Variants in THOC5 observed in about 807,000 individuals in gnomAD.
THOC5 encodes THO complex subunit 5.
A neutral mutation model predicts 92.9 loss-of-function variants in THOC5; 43 were observed. That is an observed-to-expected ratio of 0.46 (90% CI 0.36 to 0.60). The LOEUF (loss-of-function observed/expected upper bound fraction) is 0.60. THOC5 is among the 20% of genes least tolerant of loss of function. The pLI, the probability that THOC5 is intolerant of heterozygous loss-of-function variation, is 0.00. For missense variants in THOC5, 659 were observed against 849.4 expected (o/e 0.78, Z 2.79); for synonymous variants, 296 against 320.1 (o/e 0.92, Z 0.80).
chr22:29,539,651 T>C (rs1344407125), intron 5 of THOC5, among the ~76,000 whole-genome samples, 175 bp from the exon 6 acceptor site: 1 of 152,196 alleles, frequency 6.6e-6, no homozygotes, highest in Non-Finnish European at 1.5e-5. Context: ...GAAAGGTAGT[T>C]GGTGACATGC....
intron 9 of THOC5, chr22:29,528,788 C>A: frequency 2.0e-6 from 1 of 500,538 alleles, no homozygotes; most frequent in Non-Finnish European, 3.6e-6. Flanking sequence ...GTAGTAGAAG[C>A]ATGCATAACT....
chr22:29,543,146 C>G (rs1318520521), intron 4 of THOC5, among the ~76,000 whole-genome samples, 190 bp from the exon 5 acceptor site: 3 of 151,638 alleles, frequency 2.0e-5, no homozygotes, highest in Non-Finnish European at 4.4e-5. Context: ...GAGTTCAAGA[C>G]AAGCCTGGCC....
chr22:29,517,319 C>T lies in THOC5; in HGVS notation c.1537G>A (p.Ala513Thr), dbSNP rs1252334469. Residue 513 changes from alanine to threonine, a missense_variant, in exon 16 of 20, where the codon GCC becomes ACC. Physicochemically the swap from Ala to Thr is moderately conservative, Grantham distance 58. Transcript: ENST00000490103. Reference protein sequence around the residue: ...VTSDCQYLFPAKVVSRLVKWV... With the variant: ...VTSDCQYLFPTKVVSRLVKWV... ...TTCACCAGGCGAGAGACAACCTTGG[C>T]AGGGAAGAGGTACTGGCAATCACTG... The T allele has an allele frequency of 2.5e-6, 4 of 1,614,192 alleles. No homozygotes were observed. The highest frequency in any genetic ancestry group is 3.4e-6 in the Non-Finnish European group (4 of 1,180,028).
chr22:29,531,434 T>C, intron 8 of THOC5: 1 of 1,008,590 alleles, frequency 9.9e-7, no homozygotes, highest in Non-Finnish European at 1.2e-6. Flanking sequence ...CAAGGCATGG[T>C]GAAAGCCTGG....
At chr22:29,517,595 T>C (rs1213953772) in intron 15 of THOC5, among the ~76,000 whole-genome samples, 1 of 152,252 alleles carries the variant, frequency 6.6e-6, no homozygotes, top group Non-Finnish European at 1.5e-5. Context: ...CCAGCACTTA[T>C]GGTGCTTTCT....
At chr22:29,549,381 C>T (rs2064095548) in intron 1 of THOC5, among the ~76,000 whole-genome samples, 1 of 152,156 alleles carries the variant, frequency 6.6e-6, no homozygotes, top group African/African-American at 2.4e-5. Flanking sequence ...TCCCACTGAC[C>T]TCGGAATCAT....
intron 5 of THOC5, among the ~76,000 whole-genome samples, chr22:29,542,157 A>T (rs890554160): frequency 6.6e-6 from 1 of 152,028 alleles, no homozygotes; most frequent in Non-Finnish European, 1.5e-5. Flanking sequence ...CAAAGAATAA[A>T]ATCCATTTGC....
chr22:29,533,061 T>C (rs2063687759), intron 7 of THOC5, among the ~76,000 whole-genome samples: 2 of 152,158 alleles, frequency 1.3e-5, no homozygotes, highest in African/African-American at 2.4e-5. Context: ...CTAAAATAAG[T>C]GGATACATGT....
chr22:29,508,295 C>A lies in THOC5; in HGVS notation c.*162G>T. The A allele has an allele frequency of 1.4e-6, 1 of 701,778 alleles. No homozygotes were observed. The highest frequency in any genetic ancestry group is 2.4e-6 in the Non-Finnish European group (1 of 418,898). The allele number at this position is 701,778 out of a possible 1,614,324, so 43.5% of individuals were successfully genotyped here. A position where few individuals can be genotyped will look rare whatever the true frequency, so the allele number is the denominator to read the frequency against. On this transcript the variant is annotated 3_prime_UTR_variant, in exon 20 of 20. Transcript: ENST00000490103. ...CACCTGCCCTTCCAGACTGCAAAGC[C>A]ACCTTGCCAGGAACCACAGACAAAG...
chr22:29,517,198 C>G lies in THOC5; in HGVS notation c.1593+65G>C, dbSNP rs1160940398. On this transcript the variant is annotated intron_variant, in intron 16 of 19. Transcript: ENST00000490103. The stretch of plus-strand genomic sequence containing the variant: ...TGCTCTTCCAGTGAGGTGGCAGGAG[C>G]TGAAAGGTGACATGGTCCTGCAATC... The G allele has an allele frequency of 4.4e-6, 7 of 1,607,592 alleles. No homozygotes were observed. In the African/African-American group the frequency reaches 8.0e-5, roughly 18 times the overall value.
chr22:29,553,421 A>C (rs1296074714), intron 1 of THOC5: 1 of 152,084 alleles, frequency 6.6e-6, no homozygotes, highest in East Asian at 1.9e-4. Context: ...CATCACCACC[A>C]CCCCCACCCC....
At chr22:29,547,705 G>A (rs2064052254) in intron 2 of THOC5, among the ~76,000 whole-genome samples, 1 of 152,102 alleles carries the variant, frequency 6.6e-6, no homozygotes, top group Non-Finnish European at 1.5e-5. Context: ...AAGTCTCTAG[G>A]AGGTTCCAAA....
chr22:29,537,669 A>C (rs2063786981), intron 6 of THOC5, among the ~76,000 whole-genome samples: 2 of 152,008 alleles, frequency 1.3e-5, no homozygotes, highest in Non-Finnish European at 1.5e-5. Flanking sequence ...AGGCAGGTGA[A>C]TCACGAGGTC....
rs909722131 is a variant in THOC5, at chr22:29,506,789, A to G, written c.*1668T>C. ...ATCTCCATGAAATCCTGTAAGACTTAGAATTACTCTCTGTGAAGTACAGTT... is the reference window on the plus strand; with the variant it reads ...ATCTCCATGAAATCCTGTAAGACTTGGAATTACTCTCTGTGAAGTACAGTT... On this transcript the variant is annotated 3_prime_UTR_variant, in exon 20 of 20. Coordinates refer to ENST00000490103, the MANE Select transcript of THOC5 (RefSeq NM_003678.5). 3.3e-5 allele frequency: 5 copies of G among 152,280 alleles called. No homozygotes were observed. Among genetic ancestry groups the G allele is most frequent in the Admixed American group, 1.3e-4 (2 of 15,284 alleles). The allele number at this position is 152,280 out of a possible 1,614,324, so 9.4% of individuals were successfully genotyped here. A position where few individuals can be genotyped will look rare whatever the true frequency, so the allele number is the denominator to read the frequency against.
At chr22:29,531,162 C>A in intron 8 of THOC5, 1 of 1,127,608 alleles carries the variant, frequency 8.9e-7, no homozygotes, top group Non-Finnish European at 1.1e-6. Context: ...ACCAGAAGGA[C>A]GAGGAAGACA....
At chr22:29,531,014 T>A (rs1182894232) in intron 8 of THOC5, 2 of 1,013,456 alleles carry the variant, frequency 2.0e-6, no homozygotes, top group African/African-American at 3.5e-5. Flanking sequence ...AATATTAGCA[T>A]TCTACAAGAA....
chr22:29,547,255 C>CAA (rs2064042412), intron 2 of THOC5, among the ~76,000 whole-genome samples: 1 of 152,196 alleles, frequency 6.6e-6, no homozygotes, highest in Non-Finnish European at 1.5e-5. Context: ...CAAATGTTTT[C>CAA]AGTCTCTTTG....
intron 16 of THOC5, 23 bp from the exon 17 acceptor site, chr22:29,517,139 G>A (rs376944256): frequency 1.3e-5 from 21 of 1,613,422 alleles, no homozygotes; most frequent in South Asian, 9.9e-5. Flanking sequence ...CCACAGACAA[G>A]AGGTGAACTG....
intron 5 of THOC5, among the ~76,000 whole-genome samples, chr22:29,541,544 C>T (rs991621585): frequency 9.5e-5 from 14 of 147,442 alleles, no homozygotes; most frequent in Non-Finnish European, 1.6e-4. Flanking sequence ...ACAAAACAAT[C>T]AATCAGTATC....
Sources: allele counts gnomAD v4.1 joint callset (sites outside exome capture counted in the v4.1 genomes callset), GRCh38; gene constraint gnomAD v4.1.1; transcripts MANE v1.5; gene names NCBI Gene and HGNC (gene_info 2026-07-23, HGNC 2026-07-21).